Variants in SCHIP1 observed in about 807,000 individuals in gnomAD.
SCHIP1 encodes the protein schwannomin interacting protein 1, also known as schwannomin-interacting protein 1.
SCHIP1 carries 8 observed loss-of-function variants against 29.7 expected under a neutral mutation model. The ratio of observed to expected loss-of-function variants is 0.27; its 90% CI spans 0.16 to 0.49. The LOEUF is 0.49. SCHIP1 is among the 20% of genes least tolerant of loss of function. The pLI, the probability that SCHIP1 is intolerant of heterozygous loss-of-function variation, is 0.99. For synonymous variants in SCHIP1, 76 were observed against 94.9 expected (o/e 0.80, Z 1.16); for missense variants, 193 against 294.6 (o/e 0.66, Z 2.52).
intron 1 of SCHIP1, among the ~76,000 whole-genome samples, chr3:159,857,885 A>G (rs1391584108): frequency 1.3e-5 from 2 of 152,244 alleles, no homozygotes; most frequent in African/African-American, 4.8e-5. Flanking sequence ...GAGTCTCAGT[A>G]ACTCGTAGTA....
the SCHIP1 span, among the ~76,000 whole-genome samples, chr3:159,582,265 G>T: frequency 6.6e-6 from 1 of 151,964 alleles, no homozygotes; most frequent in African/African-American, 2.4e-5. Context: ...CAGTCTTCCC[G>T]GCTCAAGAAA....
chr3:159,567,423 C>T, the SCHIP1 span, among the ~76,000 whole-genome samples: 1 of 152,090 alleles, frequency 6.6e-6, no homozygotes, highest in African/African-American at 2.4e-5. Flanking sequence ...TATTCACCAT[C>T]TCTGTTGTTT....
At chr3:159,625,930 T>A in the SCHIP1 span, among the ~76,000 whole-genome samples, 1 of 151,526 alleles carries the variant, frequency 6.6e-6, no homozygotes, top group Non-Finnish European at 1.5e-5. Context: ...GGCTGTCTGG[T>A]GGAATAGGAA....
At chr3:159,429,079 G>A in the SCHIP1 span, among the ~76,000 whole-genome samples, 6 of 151,618 alleles carry the variant, frequency 4.0e-5, no homozygotes, top group Non-Finnish European at 8.8e-5. Context: ...ATAGCACTGG[G>A]AGATATACCT....
At chr3:159,497,999 T>C in the SCHIP1 span, among the ~76,000 whole-genome samples, 599 of 152,340 alleles carry the variant, frequency 3.9e-3, 7 homozygotes, top group African/African-American at 0.014. Context: ...TTGAATTTTT[T>C]TTCTCTCTCC....
the SCHIP1 span, among the ~76,000 whole-genome samples, chr3:159,531,036 C>A: frequency 1.3e-5 from 2 of 152,190 alleles, no homozygotes; most frequent in Non-Finnish European, 2.9e-5. Flanking sequence ...TTGAACCTAT[C>A]TGTTTGTTTG....
chr3:159,428,082 C>T, the SCHIP1 span, among the ~76,000 whole-genome samples: 2 of 151,930 alleles, frequency 1.3e-5, no homozygotes, highest in Non-Finnish European at 2.9e-5. Flanking sequence ...GACCTAAAAC[C>T]ATAAAAACCC....
the SCHIP1 span, among the ~76,000 whole-genome samples, chr3:159,441,941 A>G: frequency 7.2e-5 from 11 of 152,146 alleles, no homozygotes; most frequent in Non-Finnish European, 1.5e-4. Flanking sequence ...CAGCAGTCCT[A>G]TCTCCTCAGC....
At chr3:159,450,703 G>A in the SCHIP1 span, among the ~76,000 whole-genome samples, 1 of 151,648 alleles carries the variant, frequency 6.6e-6, no homozygotes, top group African/African-American at 2.4e-5. Flanking sequence ...CAATTCCATA[G>A]CCTCCCCCAA....
the SCHIP1 span, among the ~76,000 whole-genome samples, chr3:159,518,139 G>A: frequency 3.9e-5 from 6 of 151,920 alleles, no homozygotes; most frequent in Non-Finnish European, 4.4e-5. Flanking sequence ...AGTTGCAGAC[G>A]GATATATAAA....
chr3:159,283,029 T>G, the SCHIP1 span, among the ~76,000 whole-genome samples: 1 of 152,176 alleles, frequency 6.6e-6, no homozygotes, highest in Non-Finnish European at 1.5e-5. Flanking sequence ...CTGATACCTT[T>G]GCAAATTTGT....
chr3:159,493,693 C>T, the SCHIP1 span, among the ~76,000 whole-genome samples: 3 of 151,170 alleles, frequency 2.0e-5, no homozygotes, highest in Non-Finnish European at 3.0e-5. Context: ...GACAGATCAA[C>T]AAGACAGAAA....
At chr3:159,658,794 A>G in the SCHIP1 span, among the ~76,000 whole-genome samples, 1 of 152,206 alleles carries the variant, frequency 6.6e-6, no homozygotes, top group Non-Finnish European at 1.5e-5. Context: ...ATATCAGGCA[A>G]GCCCAAAACT....
At chr3:159,403,460 C>CAT in the SCHIP1 span, among the ~76,000 whole-genome samples, 1 of 152,160 alleles carries the variant, frequency 6.6e-6, no homozygotes, top group African/African-American at 2.4e-5. Flanking sequence ...CTGTATGGCA[C>CAT]AGAGAAAGAA....
chr3:159,628,079 C>G, the SCHIP1 span, among the ~76,000 whole-genome samples: 1 of 152,176 alleles, frequency 6.6e-6, no homozygotes, highest in South Asian at 2.1e-4. Flanking sequence ...TTTTGAAGAG[C>G]AAGAGGCTAA....
chr3:159,607,547 T>C, the SCHIP1 span, among the ~76,000 whole-genome samples: 55 of 152,276 alleles, frequency 3.6e-4, no homozygotes, highest in African/African-American at 1.3e-3. Context: ...AATGAGGCTC[T>C]GGGTATCCAA....
intron 2 of SCHIP1, among the ~76,000 whole-genome samples, chr3:159,878,924 CA>C (rs146047161): frequency 0.27 from 39,657 of 144,924 alleles, 5,412 homozygotes; most frequent in Non-Finnish European, 0.31. Context: ...ACTCTTTCAC[CA>C]AAAAAAAAAA....
chr3:159,759,244 A>G, the SCHIP1 span, among the ~76,000 whole-genome samples: 1 of 152,228 alleles, frequency 6.6e-6, no homozygotes, highest in South Asian at 2.1e-4. Context: ...TCTCCAAAGT[A>G]TCTACACGTA....
At chr3:159,791,613 C>T in the SCHIP1 span, among the ~76,000 whole-genome samples, 1 of 152,194 alleles carries the variant, frequency 6.6e-6, no homozygotes, top group African/African-American at 2.4e-5. Flanking sequence ...CCCCATGCCT[C>T]CCATTGGCAA....
Sources: allele counts gnomAD v4.1 joint callset (sites outside exome capture counted in the v4.1 genomes callset), GRCh38; gene constraint gnomAD v4.1.1; transcripts MANE v1.5; gene names NCBI Gene and HGNC (gene_info 2026-07-23, HGNC 2026-07-21).